The following SERGEF variants were observed in gnomAD, a reference collection of about 807,000 sequenced individuals.
The protein encoded by SERGEF is secretion-regulating guanine nucleotide exchange factor.
Under a neutral mutation model 50.0 loss-of-function variants are expected in SERGEF, and 51 were observed. That is an observed-to-expected ratio of 1.02 (90% confidence interval 0.81 to 1.29). The LOEUF (loss-of-function observed/expected upper bound fraction) is 1.29. SERGEF is among the 50% of genes most tolerant of loss of function. The probability of loss-of-function intolerance (pLI) is 0.00; values close to 1 mark genes in which losing one functional copy is unlikely to be tolerated. For synonymous variants in SERGEF, 205 were observed against 212.4 expected, an observed-to-expected ratio of 0.97 and a Z score of 0.30; for missense variants, 521 against 557.0, an observed-to-expected ratio of 0.94 and a Z score of 0.65.
At chr11:17,800,032 T>C (rs1849637843) in intron 10 of SERGEF, among the ~76,000 whole-genome samples, 1 of 152,218 alleles carries the variant, frequency 6.6e-6, no homozygotes, top group African/African-American at 2.4e-5. Context: ...AGTCTTTCTC[T>C]TATTTATCTT....
chr11:17,855,216 A>T (rs1326802683), intron 10 of SERGEF: 1 of 152,222 alleles, frequency 6.6e-6, no homozygotes, highest in Non-Finnish European at 1.5e-5. Flanking sequence ...GCGGGGGAGT[A>T]GGAGAGCCAG....
intron 8 of SERGEF, among the ~76,000 whole-genome samples, chr11:17,980,976 G>T (rs564336514): frequency 6.6e-6 from 1 of 152,268 alleles, no homozygotes; most frequent in Admixed American, 6.5e-5. Context: ...TCTTGCCAGA[G>T]GACAAAGAGA....
At chr11:17,922,578 G>A (rs11024433) in intron 9 of SERGEF, among the ~76,000 whole-genome samples, 29,265 of 152,024 alleles carry the variant, frequency 0.19, 3,639 homozygotes, top group Non-Finnish European at 0.27. Context: ...AGTTTTTGGC[G>A]TACTATGTGG....
intron 9 of SERGEF, among the ~76,000 whole-genome samples, chr11:17,907,096 T>A (rs1851860965): frequency 6.8e-6 from 1 of 147,044 alleles, no homozygotes; most frequent in Admixed American, 6.9e-5. Context: ...AATATCAAAC[T>A]GGATTATCAT....
intron 9 of SERGEF, among the ~76,000 whole-genome samples, chr11:17,919,325 G>A (rs948577991): frequency 6.6e-6 from 1 of 152,180 alleles, no homozygotes; most frequent in South Asian, 2.1e-4. Context: ...GGGAGGGATG[G>A]AGATGGAGAG....
At chr11:17,848,652 T>C (rs888438545) in intron 10 of SERGEF, among the ~76,000 whole-genome samples, 2 of 152,246 alleles carry the variant, frequency 1.3e-5, no homozygotes, top group African/African-American at 4.8e-5. Context: ...ATAGGTCATC[T>C]TTTATCCATT....
chr11:17,880,490 T>C (rs1188705137), intron 9 of SERGEF, among the ~76,000 whole-genome samples: 1 of 152,218 alleles, frequency 6.6e-6, no homozygotes, highest in African/African-American at 2.4e-5. Context: ...ATATTCATGA[T>C]ATGAAAAATT....
intron 10 of SERGEF, among the ~76,000 whole-genome samples, chr11:17,848,633 G>C (rs552832686): frequency 1.3e-5 from 2 of 152,134 alleles, no homozygotes; most frequent in Non-Finnish European, 2.9e-5. Flanking sequence ...CTACAAATTA[G>C]TGAAGCAGAT....
chr11:17,967,403 C>G (rs1195211660), intron 8 of SERGEF, among the ~76,000 whole-genome samples: 1 of 152,192 alleles, frequency 6.6e-6, no homozygotes, highest in Non-Finnish European at 1.5e-5. Flanking sequence ...GCTGGAGGCA[C>G]AGAGAGAGCC....
intron 10 of SERGEF, among the ~76,000 whole-genome samples, chr11:17,843,439 C>T (rs1850543875): frequency 6.6e-6 from 1 of 152,184 alleles, no homozygotes; most frequent in Admixed American, 6.5e-5. Context: ...TGCCATTCTC[C>T]TTATTTTACA....
intron 9 of SERGEF, among the ~76,000 whole-genome samples, chr11:17,896,429 C>T (rs1470031792): frequency 1.3e-5 from 2 of 151,692 alleles, no homozygotes; most frequent in South Asian, 4.2e-4. Flanking sequence ...CAATTTAAAT[C>T]AAATTATGGT....
At chr11:17,887,243 T>C (rs1229390600) in intron 9 of SERGEF, among the ~76,000 whole-genome samples, 3 of 152,224 alleles carry the variant, frequency 2.0e-5, no homozygotes, top group African/African-American at 7.2e-5. Flanking sequence ...ATAAGGCATT[T>C]GCTTCACCTG....
At chr11:17,837,956 T>C (rs61882413) in intron 10 of SERGEF, among the ~76,000 whole-genome samples, 23,599 of 152,122 alleles carry the variant, frequency 0.16, 2,091 homozygotes, top group East Asian at 0.34. Flanking sequence ...TGAGCCACCG[T>C]GCCTGGCCAA....
chr11:17,951,141 T>C (rs1005125795), intron 9 of SERGEF, among the ~76,000 whole-genome samples: 5 of 152,126 alleles, frequency 3.3e-5, no homozygotes, highest in African/African-American at 1.2e-4. Context: ...GCTCCTAAGA[T>C]CTCAAGCGAT....
intron 9 of SERGEF, among the ~76,000 whole-genome samples, chr11:17,937,174 G>A (rs908608823): frequency 6.6e-6 from 1 of 151,974 alleles, no homozygotes; most frequent in African/African-American, 2.4e-5. Flanking sequence ...TGAATATAAA[G>A]CAAACATACT....
intron 10 of SERGEF, among the ~76,000 whole-genome samples, chr11:17,807,585 C>G (rs1185515605): frequency 6.6e-6 from 1 of 152,248 alleles, no homozygotes; most frequent in Non-Finnish European, 1.5e-5. Flanking sequence ...ATTACCACTT[C>G]TCTTGTTTGA....
intron 9 of SERGEF, among the ~76,000 whole-genome samples, chr11:17,931,483 A>G (rs1270058089): frequency 6.6e-6 from 1 of 152,114 alleles, no homozygotes; most frequent in Non-Finnish European, 1.5e-5. Context: ...CATACCCAAC[A>G]TTCACTAAAT....
At chr11:17,940,072 G>T (rs943021732) in intron 9 of SERGEF, among the ~76,000 whole-genome samples, 1 of 151,858 alleles carries the variant, frequency 6.6e-6, no homozygotes, top group Non-Finnish European at 1.5e-5. Context: ...ATCTAGCCTG[G>T]TTCCTCCTTT....
At position 17,991,638 on chromosome 11, in the gene SERGEF, T is replaced by C. The variant is rs1269173056; in HGVS notation, c.685+1293A>G. The stretch of plus-strand genomic sequence containing the variant: ...AATATTAATATATAAATCTACCTAA[T>C]GTGAGACACAAGTTAAAAGTAGGTG... On this transcript the variant is annotated intron_variant, in intron 7 of 10. Transcript: ENST00000265965. This position sits in a 1 kb window ranked among gnomAD's most constrained non-coding sequence, Gnocchi z 4.9. 6.6e-6 allele frequency among the ~76,000 whole-genome samples: 1 copy of C among 152,240 alleles called. No homozygotes were observed. Among genetic ancestry groups the C allele is most frequent in the Non-Finnish European group, 1.5e-5 (1 of 68,044 alleles).
Sources: gnomAD v4.1 joint callset for allele counts (sites outside exome capture counted in the v4.1 genomes callset) on GRCh38, gnomAD v4.1.1 for gene constraint, Gnocchi (gnomAD v3.1) non-coding constraint, MANE v1.5 for transcripts, NCBI Gene and HGNC (gene_info 2026-07-23, HGNC 2026-07-21) for gene names.